The following PCDHAC2 variants were observed in gnomAD, a reference collection of about 807,000 sequenced individuals.
PCDHAC2 encodes the protein protocadherin alpha-C2.
PCDHAC2 carries 24 observed loss-of-function variants against 63.3 expected under a neutral mutation model. The ratio of observed to expected loss-of-function variants is 0.38; its 90% confidence interval spans 0.27 to 0.53. PCDHAC2 has a LOEUF of 0.53. Among genes scored for constraint, PCDHAC2 ranks in the 20% least tolerant of loss-of-function variants. The pLI is 0.81. For missense variants in PCDHAC2, 1,181 were observed against 1,275.2 expected, an observed-to-expected ratio of 0.93 and a Z score of 1.12; for synonymous variants, 569 against 529.4, an observed-to-expected ratio of 1.07 and a Z score of -1.03.
intron 3 of PCDHAC2, among the ~76,000 whole-genome samples, chr5:140,997,463 C>A (rs2097770932): frequency 6.6e-6 from 1 of 152,198 alleles, no homozygotes; most frequent in Admixed American, 6.5e-5. Context: ...ATACTGTAGG[C>A]AATTTTTACA....
intron 3 of PCDHAC2, among the ~76,000 whole-genome samples, chr5:140,990,875 G>A: frequency 6.6e-6 from 1 of 152,198 alleles, no homozygotes; most frequent in East Asian, 1.9e-4. Flanking sequence ...TTAAGTGTAT[G>A]TTCCAGTGAG....
chr5:140,983,378 G>A (rs782292944), intron 3 of PCDHAC2, among the ~76,000 whole-genome samples: 1 of 152,162 alleles, frequency 6.6e-6, no homozygotes, highest in Non-Finnish European at 1.5e-5. Flanking sequence ...GAGGCCCATC[G>A]CTGTGGCAGT....
In PCDHAC2 at chr5:140,966,694, C is replaced by T; in HGVS notation, c.-73C>T. The T allele has an allele frequency of 7.4e-7, 1 of 1,358,670 alleles. No individual in the cohort carries two copies. Among genetic ancestry groups the T allele is most frequent in the Non-Finnish European group, 9.5e-7 (1 of 1,057,296 alleles). 84.2% of individuals were successfully genotyped at this position (1,358,670 alleles called of 1,614,324 possible). ...AGGGTGGCACGAGCGGAGGCGGGGC[C>T]CGGGCGTGGGGCACGGCTGGGGAAG... On this transcript the variant is annotated 5_prime_UTR_variant, in exon 1 of 4. Transcript: ENST00000289269.
chr5:141,002,806 G>T (rs1341419225), intron 3 of PCDHAC2, among the ~76,000 whole-genome samples: 1 of 152,162 alleles, frequency 6.6e-6, no homozygotes, highest in Non-Finnish European at 1.5e-5. Context: ...GGAAACTGAG[G>T]CTCAGAGATA....
Position 140,967,293 on chromosome 5 carries a change from A to T in PCDHAC2, c.527A>T (p.Asp176Val). The change falls in exon 1 of 4, where the codon GAC becomes GTC. Residue 176 changes from aspartate to valine, a missense_variant. Transcript: ENST00000289269. ...CACATAGAGAGTGCGCAGGACCCCG[A>T]CGTGGGCGCCAACTCAGTACAGACC... ...RFHIESAQDP[D>V]VGANSVQTYE... 6.2e-7 allele frequency: 1 copy of T among 1,612,824 alleles called. No individual in the cohort carries two copies.
In PCDHAC2 at chr5:140,966,707, A is replaced by C; in HGVS notation, c.-60A>C. 1 of 1,379,868 alleles carries C rather than the reference A, an allele frequency of 7.2e-7. No homozygotes were observed. Among genetic ancestry groups the C allele is most frequent in the Non-Finnish European group, 9.3e-7 (1 of 1,072,552 alleles). The allele number at this position is 1,379,868 out of a possible 1,614,324, so 85.5% of individuals were successfully genotyped here. A position where few individuals can be genotyped will look rare whatever the true frequency, so the allele number is the denominator to read the frequency against. On this transcript the variant is annotated 5_prime_UTR_variant, in exon 1 of 4. Coordinates refer to ENST00000289269, the MANE Select transcript of PCDHAC2 (RefSeq NM_018899.6). ...CGGAGGCGGGGCCCGGGCGTGGGGCACGGCTGGGGAAGCTGCCGCCTCCGG... is the reference window on the plus strand; with the variant it reads ...CGGAGGCGGGGCCCGGGCGTGGGGCCCGGCTGGGGAAGCTGCCGCCTCCGG...
rs1167461963 is a variant in PCDHAC2 at position 140,968,386 on chromosome 5, G to A, written c.1620G>A (p.Glu540=). 2.5e-6 allele frequency: 4 copies of A among 1,613,910 alleles called. No homozygotes were observed. The African/African-American group carries it at 4.0e-5, about 16-fold the overall frequency. Residue 540 remains glutamate (E), a synonymous_variant, in exon 1 of 4, where the codon GAG becomes GAA. Transcript: ENST00000289269. ...ATGCTGTCAACTCCTTTGACTATGA[G>A]AAGTTTCGGGAGTTCTTTGTGACTG... ...SLYAVNSFDY[E]KFREFFVTVE... is the part of the protein sequence containing the mutation.
At chr5:140,992,152 A>G (rs1440263664) in intron 3 of PCDHAC2, among the ~76,000 whole-genome samples, 2 of 152,004 alleles carry the variant, frequency 1.3e-5, no homozygotes, top group Non-Finnish European at 2.9e-5. Context: ...ACTTTGCTCA[A>G]TCAAGAAGTG....
At position 141,012,179 on chromosome 5, in the gene PCDHAC2, T is replaced by C. The variant is rs2098423152; in HGVS notation, c.*2242T>C. ...GGGCTAATTTATTAATGATGATAAT[T>C]ATAATGTATCTGTACAGCACTTTTT... is the stretch of plus-strand genomic sequence containing the variant. On this transcript the variant is annotated 3_prime_UTR_variant, in exon 4 of 4. Coordinates refer to ENST00000289269, the MANE Select transcript of PCDHAC2 (RefSeq NM_018899.6). 1 of 153,764 alleles carries C rather than the reference T, an allele frequency of 6.5e-6. No individual in the cohort carries two copies. Among genetic ancestry groups the C allele is most frequent in the South Asian group, 2.1e-4 (1 of 4,828 alleles). 9.5% of individuals were successfully genotyped at this position (153,764 alleles called of 1,614,324 possible). A position where few individuals can be genotyped will look rare whatever the true frequency, so the allele number is the denominator to read the frequency against.
Position 141,010,344 on chromosome 5 carries a change from G to C in PCDHAC2, c.*407G>C. ...CAGCTTGGGAGTTTGTGGCCACTGG[G>C]TATGTGTGGCTACCGCGGGTATGCG... is the stretch of plus-strand genomic sequence containing the variant. On this transcript the variant is annotated 3_prime_UTR_variant, in exon 4 of 4. Transcript: ENST00000289269. 1 of 1,518,888 alleles carries C rather than the reference G, an allele frequency of 6.6e-7. No homozygotes were observed. Among genetic ancestry groups the C allele is most frequent in the Non-Finnish European group, 8.8e-7 (1 of 1,132,764 alleles). The allele number at this position is 1,518,888 out of a possible 1,614,324, so 94.1% of individuals were successfully genotyped here.
chr5:140,993,754 A>G (rs1253767297), intron 3 of PCDHAC2, among the ~76,000 whole-genome samples: 1 of 152,170 alleles, frequency 6.6e-6, no homozygotes, highest in African/African-American at 2.4e-5. Context: ...ACTTGCCATT[A>G]TATTACAATT....
intron 2 of PCDHAC2, among the ~76,000 whole-genome samples, chr5:140,979,418 T>A (rs895579689): frequency 3.3e-5 from 5 of 152,178 alleles, no homozygotes; most frequent in South Asian, 2.1e-4. Flanking sequence ...GTTTTTTTTT[T>A]AATCTCACAT....
At position 140,973,042 on chromosome 5, in the gene PCDHAC2, T is replaced by C. The variant is rs78535788; in HGVS notation, c.2565+3711T>C. Among the ~76,000 whole-genome samples the C allele has an allele frequency of 5.1e-3, 779 of 152,252 alleles. 6 individuals carry two copies. Among genetic ancestry groups the C allele is most frequent in the African/African-American group, 0.018 (740 of 41,542 alleles). ...TGTTAATGAGTCACTTTGAGTACTCTAGTAGATTTGTCCAACAGTGTCTCA... is the reference window on the plus strand; with the variant it reads ...TGTTAATGAGTCACTTTGAGTACTCCAGTAGATTTGTCCAACAGTGTCTCA... On this transcript the variant is annotated intron_variant, in intron 1 of 3. Transcript: ENST00000289269.
At position 140,966,800 on chromosome 5, in the gene PCDHAC2, G is replaced by A; in HGVS notation, c.34G>A (p.Glu12Lys). 1 of 1,540,654 alleles carries A rather than the reference G, an allele frequency of 6.5e-7. No individual in the cohort carries two copies. The highest frequency in any genetic ancestry group is 8.7e-7 in the Non-Finnish European group (1 of 1,146,606). The change falls in exon 1 of 4, where the codon GAG (glutamate) becomes AAG (lysine). Residue 12 changes from glutamate to lysine, a missense_variant. By Grantham distance (56) the Glu-to-Lys change is moderately conservative. This residue lies in a region of PCDHAC2 where 210 missense variants were observed against 184.9 expected (regional missense o/e 1.14). Coordinates refer to ENST00000289269, the MANE Select transcript of PCDHAC2 (RefSeq NM_018899.6). Reference protein sequence around the residue: ...EQAGTRPAATEHPRLRRPMPW... With the variant: ...EQAGTRPAATKHPRLRRPMPW... ...GGCGGGCACCAGACCTGCGGCGACA[G>A]AGCATCCACGGCTCCGGCGGCCCAT... is the stretch of plus-strand genomic sequence containing the variant.
At position 140,969,614 on chromosome 5, in the gene PCDHAC2, T is replaced by G. The variant is rs56144348; in HGVS notation, c.2565+283T>G. The G allele has an allele frequency of 1.3e-3, 977 of 725,126 alleles. 8 individuals are homozygous for G. In the African/African-American group the frequency reaches 0.016, roughly 12 times the overall value. 44.9% of individuals were successfully genotyped at this position (725,126 alleles called of 1,614,324 possible). A position where few individuals can be genotyped will look rare whatever the true frequency, so the allele number is the denominator to read the frequency against. ...AATATTTAATGCTAAAACACAGATT[T>G]GTAGAGAAACAGGACAGGCCTTGGA... On this transcript the variant is annotated intron_variant, in intron 1 of 3. Transcript: ENST00000289269.
intron 3 of PCDHAC2, among the ~76,000 whole-genome samples, chr5:140,996,531 G>C (rs782175834): frequency 6.6e-6 from 1 of 152,146 alleles, no homozygotes; most frequent in Non-Finnish European, 1.5e-5. Context: ...GGCCCTGTGT[G>C]TTTTGATATT....
chr5:141,008,362 G>A (rs2098372939), intron 3 of PCDHAC2, among the ~76,000 whole-genome samples: 1 of 152,172 alleles, frequency 6.6e-6, no homozygotes, highest in Non-Finnish European at 1.5e-5. Flanking sequence ...AACCAAAGGA[G>A]CAGTGTTAGA....
In PCDHAC2 at chr5:141,011,628, A is replaced by G. The variant is rs568783669; in HGVS notation, c.*1691A>G. On this transcript the variant is annotated 3_prime_UTR_variant, in exon 4 of 4. Coordinates refer to ENST00000289269, the MANE Select transcript of PCDHAC2 (RefSeq NM_018899.6). ...TTTATTTATGGTCCAGCCAAGAGCC[A>G]TCTCGTGCCAAGACTTCTGCTGGCA... is the stretch of plus-strand genomic sequence containing the variant. The G allele has an allele frequency of 6.5e-6, 1 of 153,882 alleles. No homozygotes were observed. Among genetic ancestry groups the G allele is most frequent in the East Asian group, 1.9e-4 (1 of 5,186 alleles). 9.5% of individuals were successfully genotyped at this position (153,882 alleles called of 1,614,324 possible).
chr5:141,006,002 G>T (rs185630910), intron 3 of PCDHAC2, among the ~76,000 whole-genome samples: 1 of 151,740 alleles, frequency 6.6e-6, no homozygotes, highest in East Asian at 1.9e-4. Context: ...CTGAAAGAAG[G>T]CCTGTATGGT....
Sources: gnomAD v4.1 joint callset for allele counts (sites outside exome capture counted in the v4.1 genomes callset) on GRCh38, gnomAD v4.1.1 for gene constraint, gnomAD v4.1.1 regional missense constraint, MANE v1.5 for transcripts, NCBI Gene and HGNC (gene_info 2026-07-23, HGNC 2026-07-21) for gene names.